LOC128125817: variants seen among roughly 807,000 people sequenced by gnomAD.
the LOC128125817 span, among the ~76,000 whole-genome samples, chr1:41,616,800 C>A: frequency 6.6e-6 from 1 of 152,116 alleles, no homozygotes; most frequent in East Asian, 1.9e-4. Flanking sequence ...CATTCCTCAG[C>A]ACTCGGCCTT....
the LOC128125817 span, among the ~76,000 whole-genome samples, chr1:41,609,612 C>T: frequency 2.6e-5 from 4 of 152,244 alleles, no homozygotes; most frequent in Non-Finnish European, 5.9e-5. Flanking sequence ...AATGACACCC[C>T]TTTTTAAGAC....
chr1:41,609,071 A>C, the LOC128125817 span, among the ~76,000 whole-genome samples: 1 of 152,210 alleles, frequency 6.6e-6, no homozygotes, highest in South Asian at 2.1e-4. Flanking sequence ...ATAAAAAAAA[A>C]AAACGGTTTT....
the LOC128125817 span, among the ~76,000 whole-genome samples, chr1:41,586,494 C>T: frequency 6.8e-5 from 10 of 146,332 alleles, no homozygotes; most frequent in African/African-American, 1.7e-4. Context: ...CATCCCTTGG[C>T]GAGGCCCTGG....
chr1:41,596,424 A>G, the LOC128125817 span, among the ~76,000 whole-genome samples: 9 of 152,176 alleles, frequency 5.9e-5, no homozygotes, highest in East Asian at 1.2e-3. Context: ...TGCTAATCCA[A>G]TGGGTCAAAC....
chr1:41,598,106 G>T, the LOC128125817 span, among the ~76,000 whole-genome samples: 5 of 152,194 alleles, frequency 3.3e-5, no homozygotes, highest in African/African-American at 1.2e-4. Flanking sequence ...GCTTGTGGGT[G>T]AAAGAGCTTA....
At chr1:41,596,819 C>T in the LOC128125817 span, among the ~76,000 whole-genome samples, 6 of 152,108 alleles carry the variant, frequency 3.9e-5, no homozygotes, top group African/African-American at 1.4e-4. Context: ...TCAGAATGAC[C>T]GAGTGGATCC....
the LOC128125817 span, among the ~76,000 whole-genome samples, chr1:41,586,359 T>C: frequency 7.2e-5 from 11 of 152,120 alleles, no homozygotes; most frequent in Non-Finnish European, 1.3e-4. Flanking sequence ...CCACCTGACT[T>C]TGGACATCAT....
the LOC128125817 span, among the ~76,000 whole-genome samples, chr1:41,585,526 T>C: frequency 1.5e-4 from 23 of 152,118 alleles, no homozygotes; most frequent in Admixed American, 6.5e-5. Context: ...CCCGCTCCCA[T>C]GTCAGTGTTG....
the LOC128125817 span, among the ~76,000 whole-genome samples, chr1:41,617,610 A>C: frequency 6.6e-6 from 1 of 152,206 alleles, no homozygotes; most frequent in Non-Finnish European, 1.5e-5. Flanking sequence ...TCCCCATTCA[A>C]AGACACACAG....
At chr1:41,596,202 CT>C in the LOC128125817 span, among the ~76,000 whole-genome samples, 4 of 152,164 alleles carry the variant, frequency 2.6e-5, no homozygotes, top group Non-Finnish European at 5.9e-5. Context: ...AGCAGATCTT[CT>C]AACAGAGCTG....
At chr1:41,603,747 A>G in the LOC128125817 span, among the ~76,000 whole-genome samples, 2 of 152,222 alleles carry the variant, frequency 1.3e-5, no homozygotes, top group Non-Finnish European at 2.9e-5. Flanking sequence ...CTTGTGTTGT[A>G]ACTTAACATG....
chr1:41,624,390 C>A, the LOC128125817 span, among the ~76,000 whole-genome samples: 1 of 152,204 alleles, frequency 6.6e-6, no homozygotes, highest in Non-Finnish European at 1.5e-5. Flanking sequence ...TTCAAACATG[C>A]TCTATAGCAC....
the LOC128125817 span, among the ~76,000 whole-genome samples, chr1:41,625,162 C>CAAAAAAAAAAAAAAAAAAAAAAAA: frequency 1.4e-5 from 1 of 71,230 alleles, no homozygotes; most frequent in Non-Finnish European, 2.5e-5. Flanking sequence ...GATTCCAACT[C>CAAAAAAAAAAAAAAAAAAAAAAAA]AAAAAAAAAA....
At chr1:41,626,627 G>A in the LOC128125817 span, among the ~76,000 whole-genome samples, 1 of 152,140 alleles carries the variant, frequency 6.6e-6, no homozygotes, top group Non-Finnish European at 1.5e-5. Flanking sequence ...AGTATCTGTT[G>A]TACACCTCAT....
the LOC128125817 span, among the ~76,000 whole-genome samples, chr1:41,586,751 G>A: frequency 3.3e-5 from 5 of 152,176 alleles, no homozygotes; most frequent in South Asian, 4.1e-4. Context: ...GGAGGAGCAG[G>A]TGATTTGATC....
At chr1:41,601,287 T>C in the LOC128125817 span, among the ~76,000 whole-genome samples, 1 of 152,140 alleles carries the variant, frequency 6.6e-6, no homozygotes, top group African/African-American at 2.4e-5. Flanking sequence ...TTAGGCAAAG[T>C]AATGTAATTG....
At chr1:41,609,237 C>T in the LOC128125817 span, among the ~76,000 whole-genome samples, 1 of 152,222 alleles carries the variant, frequency 6.6e-6, no homozygotes, top group Admixed American at 6.5e-5. Flanking sequence ...CCATGCAGGG[C>T]ATCATCTCAG....
At chr1:41,590,591 CT>C in the LOC128125817 span, among the ~76,000 whole-genome samples, 1 of 152,216 alleles carries the variant, frequency 6.6e-6, no homozygotes, top group Non-Finnish European at 1.5e-5. Flanking sequence ...CCACCTGCCC[CT>C]GAGAGAGACA....
chr1:41,611,852 A>C, the LOC128125817 span, among the ~76,000 whole-genome samples: 4 of 152,174 alleles, frequency 2.6e-5, no homozygotes, highest in South Asian at 6.2e-4. Context: ...GACATTCTGG[A>C]TGCTTCTCCC....
Sources: gnomAD v4.1 joint callset for allele counts (sites outside exome capture counted in the v4.1 genomes callset) on GRCh38, gnomAD v4.1.1 for gene constraint, MANE v1.5 for transcripts.